ARIH1: variants seen among roughly 807,000 people sequenced by gnomAD.
ARIH1 encodes the protein ariadne RBR E3 ubiquitin protein ligase 1.
In ARIH1, 8 loss-of-function variants were observed where a neutral mutation model predicts 85.0. That is an observed-to-expected ratio of 0.09 (90% CI 0.06 to 0.17). ARIH1 has a LOEUF of 0.17. Among genes scored for constraint, ARIH1 ranks in the 10% least tolerant of loss-of-function variants. The pLI is 1.00. For missense variants in ARIH1, 311 were observed against 718.1 expected (o/e 0.43, Z 6.48); for synonymous variants, 238 against 253.6 (o/e 0.94, Z 0.59).
chr15:72,490,545 C>G (rs1335429536), intron 1 of ARIH1, among the ~76,000 whole-genome samples: 1 of 152,138 alleles, frequency 6.6e-6, no homozygotes, highest in Non-Finnish European at 1.5e-5. Flanking sequence ...TGTCTGACTC[C>G]ACTCCCCTCC....
At chr15:72,547,187 A>G (rs539088355) in intron 3 of ARIH1, among the ~76,000 whole-genome samples, 1 of 150,186 alleles carries the variant, frequency 6.7e-6, no homozygotes, top group South Asian at 2.1e-4. Flanking sequence ...TCAGCATGCC[A>G]AAGTGCTGGG....
At chr15:72,538,883 G>T (rs370834087) in intron 2 of ARIH1, among the ~76,000 whole-genome samples, 1 of 152,138 alleles carries the variant, frequency 6.6e-6, no homozygotes, top group East Asian at 1.9e-4. Flanking sequence ...ACAGATTATT[G>T]TCTATATGAA....
At chr15:72,546,186 C>T (rs72735173) in intron 3 of ARIH1, among the ~76,000 whole-genome samples, 7,440 of 152,032 alleles carry the variant, frequency 0.049, 251 homozygotes, top group African/African-American at 0.097. Flanking sequence ...GAACTACAGA[C>T]GTGCACCATC....
At chr15:72,580,688 T>C (rs775319191) in intron 11 of ARIH1, 43 bp from the exon 12 acceptor site, 8 of 1,561,376 alleles carry the variant, frequency 5.1e-6, no homozygotes, top group Admixed American at 1.8e-5. Context: ...ATGTACAGTT[T>C]ATGTGTTATA....
intron 2 of ARIH1, among the ~76,000 whole-genome samples, chr15:72,526,775 A>T (rs1250496867): frequency 6.6e-6 from 1 of 151,960 alleles, no homozygotes; most frequent in African/African-American, 2.4e-5. Flanking sequence ...TGGAGAAAGG[A>T]CACCTTTAAC....
intron 2 of ARIH1, among the ~76,000 whole-genome samples, chr15:72,535,241 G>A (rs2064076922): frequency 6.6e-6 from 1 of 152,006 alleles, no homozygotes; most frequent in East Asian, 2.0e-4. Flanking sequence ...GTGAGCCACC[G>A]CGCCCGGCCT....
intron 1 of ARIH1, among the ~76,000 whole-genome samples, chr15:72,494,943 C>T (rs913409889): frequency 9.2e-5 from 14 of 151,950 alleles, no homozygotes; most frequent in Non-Finnish European, 1.8e-4. Context: ...TTAATAAATT[C>T]TGTTTCATCA....
intron 1 of ARIH1, among the ~76,000 whole-genome samples, chr15:72,489,724 C>T (rs775542079): frequency 5.9e-5 from 9 of 152,164 alleles, no homozygotes; most frequent in Non-Finnish European, 1.0e-4. Context: ...GGGCAGGTTT[C>T]CACAGTTGAG....
At chr15:72,575,412 A>G (rs914025887) in intron 11 of ARIH1, among the ~76,000 whole-genome samples, 7 of 151,650 alleles carry the variant, frequency 4.6e-5, no homozygotes, top group African/African-American at 1.7e-4. Flanking sequence ...TGTCTCTACA[A>G]AAAATTTATT....
chr15:72,544,733 C>G, intron 2 of ARIH1, 87 bp from the exon 3 acceptor site: 2 of 1,202,896 alleles, frequency 1.7e-6, no homozygotes, highest in Non-Finnish European at 2.3e-6. Flanking sequence ...CAACTTCTTG[C>G]TTTTCCCTAT....
In ARIH1 at chr15:72,588,619, TTGAC is replaced by T. The variant is rs956426613; in HGVS notation, c.*5330_*5333del. 3 of 152,230 alleles carry T rather than the reference TTGAC, an allele frequency of 2.0e-5. No individual in the cohort carries two copies. Among genetic ancestry groups the T allele is most frequent in the African/African-American group, 7.2e-5 (3 of 41,520 alleles). The allele number at this position is 152,230 out of a possible 1,614,324, so 9.4% of individuals were successfully genotyped here. ...AAGGGACAAAATGATTCAAGGCAAATTGACTGGCTCAGAATAGGGCCTCACTGGA... is the reference window on the plus strand; with the variant it reads ...AAGGGACAAAATGATTCAAGGCAAATTGGCTCAGAATAGGGCCTCACTGGA... On this transcript the variant is annotated 3_prime_UTR_variant, in exon 14 of 14. Transcript: ENST00000379887.
At chr15:72,552,346 G>A (rs764966393) in intron 3 of ARIH1, among the ~76,000 whole-genome samples, 2 of 152,162 alleles carry the variant, frequency 1.3e-5, no homozygotes, top group East Asian at 3.9e-4. Context: ...GGAGTGCAAA[G>A]GTGCGATCTT....
chr15:72,481,604 T>G (rs1013412800), intron 1 of ARIH1, among the ~76,000 whole-genome samples: 1 of 152,060 alleles, frequency 6.6e-6, no homozygotes, highest in Non-Finnish European at 1.5e-5. Flanking sequence ...GAGAATTGCT[T>G]GAACCTGGGA....
intron 1 of ARIH1, among the ~76,000 whole-genome samples, chr15:72,502,533 A>G (rs1380093024): frequency 6.6e-6 from 1 of 152,130 alleles, no homozygotes; most frequent in Admixed American, 6.6e-5. Context: ...GTGGCTGGGC[A>G]CTCACTCATG....
At chr15:72,498,727 C>A (rs1414500171) in intron 1 of ARIH1, among the ~76,000 whole-genome samples, 1 of 151,768 alleles carries the variant, frequency 6.6e-6, no homozygotes, top group Admixed American at 6.6e-5. Flanking sequence ...GTAATCCCAG[C>A]TACCTGGGAG....
intron 5 of ARIH1, among the ~76,000 whole-genome samples, chr15:72,557,425 T>C: frequency 6.6e-6 from 1 of 152,198 alleles, no homozygotes; most frequent in Admixed American, 6.5e-5. Context: ...TTTGATTAAG[T>C]TCCTTATAGA....
At position 72,550,680 on chromosome 15, in the gene ARIH1, A is replaced by T. The variant is rs183861408; in HGVS notation, c.589-4591A>T. Among the ~76,000 whole-genome samples, 8 of 150,820 alleles carry T rather than the reference A, an allele frequency of 5.3e-5. No individual in the cohort carries two copies. The South Asian group carries it at 1.2e-3, about 23-fold the overall frequency. On this transcript the variant is annotated intron_variant, in intron 3 of 13. Transcript: ENST00000379887. ...GGACTGATACACTTCATATATATATATATTTTAATGAGATGAAGTCTCACT... is the reference window on the plus strand; with the variant it reads ...GGACTGATACACTTCATATATATATTTATTTTAATGAGATGAAGTCTCACT...
intron 2 of ARIH1, among the ~76,000 whole-genome samples, chr15:72,542,247 G>A (rs1409884290): frequency 6.6e-6 from 1 of 152,172 alleles, no homozygotes; most frequent in Non-Finnish European, 1.5e-5. Flanking sequence ...AAATCACAGT[G>A]GAGTAGCACG....
intron 1 of ARIH1, chr15:72,496,977 C>A: frequency 2.4e-6 from 1 of 420,218 alleles, no homozygotes; most frequent in Non-Finnish European, 3.2e-6. Flanking sequence ...TCCTATAAAT[C>A]TTTGTGGGAA....
Sources: gnomAD v4.1 joint callset for allele counts (sites outside exome capture counted in the v4.1 genomes callset) on GRCh38, gnomAD v4.1.1 for gene constraint, MANE v1.5 for transcripts, NCBI Gene and HGNC (gene_info 2026-07-23, HGNC 2026-07-21) for gene names.